Variants in ENPP1 observed in about 807,000 individuals in gnomAD.
ENPP1 encodes the protein ectonucleotide pyrophosphatase/phosphodiesterase family member 1.
In ENPP1, 73 loss-of-function variants were observed where a neutral mutation model predicts 122.8. That is an observed-to-expected ratio of 0.59 (90% CI 0.49 to 0.72). ENPP1 has a LOEUF of 0.72. Among genes scored for constraint, ENPP1 ranks in the 30% least tolerant of loss-of-function variants. ENPP1 has a pLI of 0.00. For missense variants in ENPP1, 978 were observed against 1,128.1 expected (o/e 0.87, Z 1.91); for synonymous variants, 367 against 391.6 (o/e 0.94, Z 0.74).
intron 12 of ENPP1, 112 bp from the exon 13 acceptor site, chr6:131,869,246 T>C (rs1782127455): frequency 1.1e-6 from 1 of 948,226 alleles, no homozygotes; most frequent in Non-Finnish European, 1.7e-6. Flanking sequence ...CTAATATGAG[T>C]GCTACACCCA....
At chr6:131,848,418 C>T (rs533988616) in intron 2 of ENPP1, among the ~76,000 whole-genome samples, 22 of 152,050 alleles carry the variant, frequency 1.4e-4, no homozygotes, top group Non-Finnish European at 2.9e-4. Context: ...TAGTTCCCCC[C>T]CCATCCTCTC....
intron 15 of ENPP1, among the ~76,000 whole-genome samples, chr6:131,873,327 A>C (rs1036190288): frequency 3.3e-5 from 5 of 152,102 alleles, no homozygotes; most frequent in African/African-American, 1.2e-4. Context: ...GACAACCAAA[A>C]ATGTCCGTCA....
intron 11 of ENPP1, 123 bp from the exon 12 acceptor site, chr6:131,867,893 ATC>A: frequency 1.4e-6 from 1 of 715,096 alleles, no homozygotes; most frequent in South Asian, 1.6e-5. Flanking sequence ...TTATCTATCT[ATC>A]TGTCTGTCTT....
chr6:131,824,705 C>T (rs970124572), intron 1 of ENPP1, among the ~76,000 whole-genome samples: 10 of 152,116 alleles, frequency 6.6e-5, no homozygotes, highest in South Asian at 2.1e-4. Flanking sequence ...TCACCCACCT[C>T]GGCCTCCCAA....
At chr6:131,828,344 A>T (rs1004814610) in intron 1 of ENPP1, 1 of 431,754 alleles carries the variant, frequency 2.3e-6, no homozygotes, top group African/African-American at 2.0e-5. Flanking sequence ...ACATCCTACC[A>T]TGATTTTAAG....
chr6:131,832,737 A>G (rs1781629132), intron 1 of ENPP1, among the ~76,000 whole-genome samples: 1 of 152,138 alleles, frequency 6.6e-6, no homozygotes, highest in African/African-American at 2.4e-5. Context: ...GGGGCTGGCC[A>G]GGCATCTTTC....
intron 20 of ENPP1, among the ~76,000 whole-genome samples, chr6:131,880,799 G>A (rs1480640946): frequency 1.3e-5 from 2 of 152,018 alleles, no homozygotes; most frequent in Non-Finnish European, 2.9e-5. Flanking sequence ...ATCATTGCAC[G>A]TACCATCTAT....
chr6:131,842,932 G>A lies in ENPP1; in HGVS notation c.241-4844G>A, dbSNP rs116608624. Among the ~76,000 whole-genome samples, 913 of 152,138 alleles carry A rather than the reference G, an allele frequency of 6.0e-3. 4 individuals carry two copies. Among genetic ancestry groups the A allele is most frequent in the African/African-American group, 0.021 (869 of 41,496 alleles). ...TTCTTTTGACTCACTAAATGTCTAA[G>A]AACTAATGATTTAGTTAACTAAAGA... On this transcript the variant is annotated intron_variant, in intron 1 of 24. Coordinates refer to ENST00000647893, the MANE Select transcript of ENPP1 (RefSeq NM_006208.3).
In ENPP1 at chr6:131,858,547, T is replaced by C; in HGVS notation, c.716-121T>C. On this transcript the variant is annotated intron_variant, in intron 6 of 24. Coordinates refer to ENST00000647893, the MANE Select transcript of ENPP1 (RefSeq NM_006208.3). ...TAATTCATCCTGAATTTTTATCTGA[T>C]TAAAATCCCTCCTGGGCTAATTTTT... 4.4e-6 allele frequency: 3 copies of C among 675,390 alleles called. No homozygotes were observed. In the South Asian group the frequency reaches 5.2e-5, roughly 12 times the overall value. The allele number at this position is 675,390 out of a possible 1,614,324, so 41.8% of individuals were successfully genotyped here.
intron 20 of ENPP1, 117 bp downstream of exon 20, chr6:131,880,151 G>A (rs1782283066): frequency 9.7e-7 from 1 of 1,034,418 alleles, no homozygotes; most frequent in Admixed American, 1.7e-5. Flanking sequence ...CGCATTAGAG[G>A]AACACTGAAG....
rs1554205203 is a variant in ENPP1, at chr6:131,882,031, T to TTA, written c.2101-314_2101-313insTA. ...AGACTCCATCTTAAAAAAATAATAA[T>TTA]AATAAATAAATAAATAAATAAATAA... is the stretch of plus-strand genomic sequence containing the variant. On this transcript the variant is annotated intron_variant, in intron 20 of 24. Transcript: ENST00000647893. Among the ~76,000 whole-genome samples, 981 of 144,572 alleles carry TTA rather than the reference T, an allele frequency of 6.8e-3. 9 individuals carry two copies. The highest frequency in any genetic ancestry group is 0.025 in the African/African-American group (899 of 36,438). The allele number at this position is 144,572 out of a possible 152,430, so 94.8% of individuals were successfully genotyped here. A position where few individuals can be genotyped will look rare whatever the true frequency, so the allele number is the denominator to read the frequency against.
intron 1 of ENPP1, chr6:131,828,001 C>G: frequency 1.4e-6 from 1 of 697,850 alleles, no homozygotes; most frequent in Non-Finnish European, 2.7e-6. Flanking sequence ...GGTAGTGAAG[C>G]CATAAGTTGC....
chr6:131,892,773 C>A lies in ENPP1; in HGVS notation c.*2262C>A, dbSNP rs920686207. 1.3e-5 allele frequency: 2 copies of A among 152,178 alleles called. No homozygotes were observed. The highest frequency in any genetic ancestry group is 2.9e-5 in the Non-Finnish European group (2 of 68,042). 9.4% of individuals were successfully genotyped at this position (152,178 alleles called of 1,614,324 possible). On this transcript the variant is annotated 3_prime_UTR_variant, in exon 25 of 25. Coordinates refer to ENST00000647893, the MANE Select transcript of ENPP1 (RefSeq NM_006208.3). Reference sequence around the variant, plus strand: ...AGAGTGTAAGTCTGGACTCCCCACTCAGCATTTGCTGGTATGGGTGGGGCC... The same window carrying A: ...AGAGTGTAAGTCTGGACTCCCCACTAAGCATTTGCTGGTATGGGTGGGGCC...
At chr6:131,810,433 T>C (rs1781333440) in intron 1 of ENPP1, among the ~76,000 whole-genome samples, 1 of 145,204 alleles carries the variant, frequency 6.9e-6, no homozygotes, top group African/African-American at 2.6e-5. Context: ...TTCAATACCT[T>C]TTTCCCCCAA....
At chr6:131,823,923 G>C (rs1160578987) in intron 1 of ENPP1, among the ~76,000 whole-genome samples, 1 of 151,158 alleles carries the variant, frequency 6.6e-6, no homozygotes, top group African/African-American at 2.4e-5. Context: ...TGAGGGTTAG[G>C]TGGATTCATA....
rs1308324145 is a variant in ENPP1, at chr6:131,868,260, G to GA, written c.1273+141dup. Reference sequence around the variant, plus strand: ...GTAGTTTCTTATGGACAGTCTTTAGGAAAAAAATACATTAAATATAAAATA... The same window carrying GA: ...GTAGTTTCTTATGGACAGTCTTTAGGAAAAAAAATACATTAAATATAAAATA... On this transcript the variant is annotated intron_variant, in intron 12 of 24. Coordinates refer to ENST00000647893, the MANE Select transcript of ENPP1 (RefSeq NM_006208.3). 4.6e-6 allele frequency: 3 copies of GA among 649,442 alleles called. No homozygotes were observed. In the South Asian group the frequency reaches 5.3e-5, roughly 12 times the overall value. 40.2% of individuals were successfully genotyped at this position (649,442 alleles called of 1,614,324 possible).
At chr6:131,860,814 T>G (rs1782013305) in intron 8 of ENPP1, among the ~76,000 whole-genome samples, 1 of 152,208 alleles carries the variant, frequency 6.6e-6, no homozygotes, top group Non-Finnish European at 1.5e-5. Context: ...TACACAAAAC[T>G]ACGTTGTTTT....
intron 6 of ENPP1, among the ~76,000 whole-genome samples, chr6:131,855,828 A>G (rs1781939847): frequency 6.6e-6 from 1 of 151,522 alleles, no homozygotes; most frequent in Non-Finnish European, 1.5e-5. Flanking sequence ...ATAAAATAGT[A>G]TAATGGTGTT....
intron 1 of ENPP1, chr6:131,827,107 C>G (rs1185416082): frequency 1.4e-6 from 1 of 690,506 alleles, no homozygotes; most frequent in Non-Finnish European, 2.7e-6. Flanking sequence ...TCGGTGAACT[C>G]AAAGACATTT....
Sources: allele counts gnomAD v4.1 joint callset (sites outside exome capture counted in the v4.1 genomes callset), GRCh38; gene constraint gnomAD v4.1.1; transcripts MANE v1.5; gene names NCBI Gene and HGNC (gene_info 2026-07-23, HGNC 2026-07-21).